KNTC1: variants seen among roughly 807,000 people sequenced by gnomAD.
The protein encoded by KNTC1 is kinetochore-associated protein 1.
KNTC1 carries 253 observed loss-of-function variants against 314.4 expected under a neutral mutation model. That is an observed-to-expected ratio of 0.80 (90% CI 0.73 to 0.89). The LOEUF (loss-of-function observed/expected upper bound fraction) is 0.89. Among genes scored for constraint, KNTC1 ranks in the 40% least tolerant of loss-of-function variants. KNTC1 has a pLI of 0.00. For missense variants in KNTC1, 2,475 were observed against 2,572.9 expected (o/e 0.96, Z 0.82); for synonymous variants, 901 against 901.4 (o/e 1.00, Z 0.01).
intron 57 of KNTC1, among the ~76,000 whole-genome samples, chr12:122,616,483 G>C (rs553276590): frequency 9.2e-5 from 14 of 152,110 alleles, no homozygotes; most frequent in Admixed American, 9.2e-4. Context: ...GGATGGTCTC[G>C]ATCTCCTGAC....
intron 42 of KNTC1, among the ~76,000 whole-genome samples, chr12:122,591,999 C>T (rs1287641134): frequency 3.3e-5 from 5 of 152,206 alleles, no homozygotes; most frequent in East Asian, 3.9e-4. Flanking sequence ...GAGCCGGCTC[C>T]CTCAGCTTGC....
chr12:122,592,547 A>G (rs984688410), intron 42 of KNTC1, among the ~76,000 whole-genome samples: 3 of 152,182 alleles, frequency 2.0e-5, no homozygotes, highest in Non-Finnish European at 2.9e-5. Flanking sequence ...AAATACACCA[A>G]TCAGCACCCT....
At chr12:122,622,232 C>A (rs1340552579) in intron 61 of KNTC1, among the ~76,000 whole-genome samples, 4 of 152,152 alleles carry the variant, frequency 2.6e-5, no homozygotes, top group Non-Finnish European at 4.4e-5. Flanking sequence ...TAAAAAGTCT[C>A]AAAGTGCACA....
intron 8 of KNTC1, among the ~76,000 whole-genome samples, chr12:122,545,007 C>T (rs150823938): frequency 1.1e-3 from 170 of 152,216 alleles, no homozygotes; most frequent in South Asian, 3.9e-3. Context: ...GACAAGGATG[C>T]ACGTAGAAAA....
intron 44 of KNTC1, among the ~76,000 whole-genome samples, chr12:122,598,416 C>CTTTTT (rs1421861222): frequency 2.2e-5 from 2 of 90,042 alleles, no homozygotes; most frequent in Admixed American, 1.2e-4. Flanking sequence ...TTTTCTTTTT[C>CTTTTT]TTTTCTTTTT....
At chr12:122,588,597 C>A (rs1869705971) in intron 39 of KNTC1, 115 bp from the exon 40 acceptor site, 6 of 774,000 alleles carry the variant, frequency 7.8e-6, no homozygotes, top group Non-Finnish European at 1.1e-5. Flanking sequence ...AGGTTAAATT[C>A]TGATACTTTT....
At chr12:122,539,086 C>CACTTTA (rs1962078690) in intron 4 of KNTC1, among the ~76,000 whole-genome samples, 1 of 152,180 alleles carries the variant, frequency 6.6e-6, no homozygotes. Flanking sequence ...GCTAGAGTCC[C>CACTTTA]ACTTTAACAA....
In KNTC1 at chr12:122,598,805, C is replaced by A. The variant is rs558686677; in HGVS notation, c.4563+867C>A. Among the ~76,000 whole-genome samples the A allele has an allele frequency of 5.3e-5, 8 of 150,862 alleles. No homozygotes were observed. In the South Asian group the frequency reaches 1.7e-3, roughly 32 times the overall value. On this transcript the variant is annotated intron_variant, in intron 44 of 63. Transcript: ENST00000333479. ...ATTTAACCAGGCTTTTATGGTTAGA[C>A]ATTTAAACTTTTTTTTTTTTATTTG... is the stretch of plus-strand genomic sequence containing the variant.
In KNTC1 at chr12:122,547,436, A is replaced by G; in HGVS notation, c.838A>G (p.Ile280Val). ...GCAGAACGTGCTGAGTTTATGGGAT[A>G]TTTACACTCTAACTCCTGTATGGAA... is the stretch of plus-strand genomic sequence containing the variant. ...DTDNVLSLWD[I>V]YTLTPVWNWP... The change falls in exon 11 of 64, where the codon ATT becomes GTT. Residue 280 changes from isoleucine to valine, a missense_variant. Ile to Val is a conservative substitution (Grantham distance 29, BLOSUM62 3). Transcript: ENST00000333479. The G allele has an allele frequency of 6.2e-7, 1 of 1,611,082 alleles. No homozygotes were observed.
chr12:122,587,789 T>G lies in KNTC1; in HGVS notation c.3809T>G (p.Leu1270Arg). Residue 1270 changes from leucine to arginine, a missense_variant, in exon 39 of 64, where the codon CTA becomes CGA. Physicochemically the swap from Leu to Arg is moderately radical, Grantham distance 102 (BLOSUM62 -2). Coordinates refer to ENST00000333479, the MANE Select transcript of KNTC1 (RefSeq NM_014708.6). ...CTTCAGGAATCTAGCCAGTGGGAGC[T>G]AGCCCTAAGATTTGTGGTTGGTTCA... The part of the protein sequence containing the change: ...QNLQESSQWE[L>R]ALRFVVGSFG... 6.2e-7 allele frequency: 1 copy of G among 1,613,852 alleles called. No individual in the cohort carries two copies. The highest frequency in any genetic ancestry group is 8.5e-7 in the Non-Finnish European group (1 of 1,179,788).
intron 16 of KNTC1, among the ~76,000 whole-genome samples, chr12:122,556,981 C>G (rs11058710): frequency 0.32 from 45,947 of 143,780 alleles, 8,571 homozygotes; most frequent in Admixed American, 0.4. Flanking sequence ...GGCTCGAACT[C>G]CTGGGCTCAA....
At chr12:122,608,631 C>A (rs1397548065) in intron 51 of KNTC1, among the ~76,000 whole-genome samples, 1 of 152,160 alleles carries the variant, frequency 6.6e-6, no homozygotes, top group Non-Finnish European at 1.5e-5. Flanking sequence ...AAGGTACACA[C>A]TAAAAGTTCC....
intron 11 of KNTC1, 132 bp downstream of exon 11, chr12:122,547,662 C>A: frequency 1.5e-6 from 1 of 681,626 alleles, no homozygotes; most frequent in Non-Finnish European, 2.4e-6. Flanking sequence ...GAGTAAAGAC[C>A]GTTTGCAAAA....
chr12:122,542,753 A>C (rs1308494105), intron 6 of KNTC1, among the ~76,000 whole-genome samples: 2 of 151,090 alleles, frequency 1.3e-5, no homozygotes, highest in Admixed American at 6.6e-5. Context: ...AGCAAGAGCG[A>C]AACTCTGTCT....
intron 26 of KNTC1, 58 bp downstream of exon 26, chr12:122,573,343 G>A (rs1964818550): frequency 1.4e-6 from 2 of 1,437,776 alleles, no homozygotes; most frequent in Non-Finnish European, 1.9e-6. Flanking sequence ...TAGCACTGTA[G>A]TAAATATTTA....
Position 122,605,417 on chromosome 12 carries a change from TA to T in KNTC1, c.5496+4del. ...TGCCCTTCAACAAAACCTGGTGAAG[TA>T]AGTACTTGCTGCCCAAGAGTATCTG... On this transcript the variant is annotated splice_donor_region_variant and intron_variant, in intron 51 of 63. Coordinates refer to ENST00000333479, the MANE Select transcript of KNTC1 (RefSeq NM_014708.6). 6.7e-7 allele frequency: 1 copy of T among 1,497,556 alleles called. No homozygotes were observed. The highest frequency in any genetic ancestry group is 9.2e-7 in the Non-Finnish European group (1 of 1,084,472). 92.8% of individuals were successfully genotyped at this position (1,497,556 alleles called of 1,614,324 possible).
intron 33 of KNTC1, among the ~76,000 whole-genome samples, chr12:122,581,822 T>C (rs34263900): frequency 1.3e-5 from 2 of 152,226 alleles, no homozygotes; most frequent in African/African-American, 2.4e-5. Flanking sequence ...AAAATACTTA[T>C]AACAAAATGT....
chr12:122,588,982 A>AT (rs1869771378), intron 40 of KNTC1, among the ~76,000 whole-genome samples, 166 bp downstream of exon 40: 1 of 152,126 alleles, frequency 6.6e-6, no homozygotes, highest in South Asian at 2.1e-4. Flanking sequence ...TATTATGGTA[A>AT]TTGACATGCT....
At chr12:122,611,822 T>A (rs141229789) in intron 53 of KNTC1, 1 of 152,334 alleles carries the variant, frequency 6.6e-6, no homozygotes, top group Non-Finnish European at 1.5e-5. Context: ...TCTAGGCTAC[T>A]TATAACACAA....
Sources: allele counts gnomAD v4.1 joint callset (sites outside exome capture counted in the v4.1 genomes callset), GRCh38; gene constraint gnomAD v4.1.1; transcripts MANE v1.5; gene names NCBI Gene and HGNC (gene_info 2026-07-23, HGNC 2026-07-21).